Variants in CTNNA3 observed in about 807,000 individuals in gnomAD.
CTNNA3 encodes catenin alpha 3, also known as catenin alpha-3.
CTNNA3 carries 76 observed loss-of-function variants against 95.7 expected under a neutral mutation model. That is an observed-to-expected ratio of 0.79 (90% CI 0.66 to 0.96). The LOEUF is 0.96. CTNNA3 is among the 40% of genes least tolerant of loss of function. The pLI, the probability that CTNNA3 is intolerant of heterozygous loss-of-function variation, is 0.00. For synonymous variants in CTNNA3, 431 were observed against 374.4 expected (o/e 1.15, Z -1.74); for missense variants, 1,191 against 1,089.8 (o/e 1.09, Z -1.31).
chr10:66,807,508 G>A (rs1841703474), intron 7 of CTNNA3, among the ~76,000 whole-genome samples: 1 of 152,050 alleles, frequency 6.6e-6, no homozygotes, highest in Non-Finnish European at 1.5e-5. Flanking sequence ...TTCGTTTGTT[G>A]CAAGTAATAA....
rs144575893 is a variant in CTNNA3, at chr10:67,275,735, C to A, written c.580-55865G>T. Among the ~76,000 whole-genome samples the A allele has an allele frequency of 4.7e-3, 716 of 152,252 alleles. 7 individuals carry two copies. The highest frequency in any genetic ancestry group is 0.016 in the African/African-American group (678 of 41,560). Reference sequence around the variant, plus strand: ...AGGCATGTATCACATTATAAACTGTCCTAAGAACTATCTTCTGTAATTCAC... The same window carrying A: ...AGGCATGTATCACATTATAAACTGTACTAAGAACTATCTTCTGTAATTCAC... On this transcript the variant is annotated intron_variant, in intron 5 of 17. Transcript: ENST00000433211.
At chr10:67,641,553 C>T (rs1282129770) in intron 2 of CTNNA3, among the ~76,000 whole-genome samples, 1 of 152,180 alleles carries the variant, frequency 6.6e-6, no homozygotes, top group Non-Finnish European at 1.5e-5. Flanking sequence ...AAGACACATG[C>T]ACACGTATGT....
rs182206461 is a variant in CTNNA3, at chr10:65,969,272, A to G, written c.2266-2526T>C. On this transcript the variant is annotated intron_variant, in intron 16 of 17. Coordinates refer to ENST00000433211, the MANE Select transcript of CTNNA3 (RefSeq NM_013266.4). The stretch of plus-strand genomic sequence containing the variant: ...ATCAATAGTATTATAGGGAAAGAAA[A>G]GAAAAATTATATCTGCACAAATATA... 2.7e-3 allele frequency among the ~76,000 whole-genome samples: 407 copies of G among 152,352 alleles called. 2 individuals carry two copies. The highest frequency in any genetic ancestry group is 9.4e-3 in the African/African-American group (393 of 41,590).
At chr10:66,324,241 A>T (rs1289193549) in intron 12 of CTNNA3, among the ~76,000 whole-genome samples, 1 of 151,990 alleles carries the variant, frequency 6.6e-6, no homozygotes, top group Non-Finnish European at 1.5e-5. Flanking sequence ...AATTGTTTGA[A>T]CCCAGGAGGC....
chr10:66,445,251 T>C (rs2093410448), intron 11 of CTNNA3, among the ~76,000 whole-genome samples: 1 of 151,842 alleles, frequency 6.6e-6, no homozygotes. Flanking sequence ...CTGTCAACAT[T>C]AGACAGATTA....
rs187763809 is a variant in CTNNA3, at chr10:66,176,060, A to G, written c.1885-72811T>C. On this transcript the variant is annotated intron_variant, in intron 13 of 17. Coordinates refer to ENST00000433211, the MANE Select transcript of CTNNA3 (RefSeq NM_013266.4). ...TATTTTCTGTATTTCAGGAAACGTA[A>G]TTGGTGATAATCATTATAATTGTAA... Among the ~76,000 whole-genome samples the G allele has an allele frequency of 2.4e-3, 362 of 152,248 alleles. 2 individuals are homozygous for G. Among genetic ancestry groups the G allele is most frequent in the Admixed American group, 8.8e-3 (134 of 15,284 alleles).
At chr10:66,768,039 T>C (rs1401249898) in intron 8 of CTNNA3, among the ~76,000 whole-genome samples, 1 of 152,160 alleles carries the variant, frequency 6.6e-6, no homozygotes, top group Non-Finnish European at 1.5e-5. Context: ...TTGCTGTCTA[T>C]AGGAAGTACA....
chr10:67,226,719 T>A (rs923478379), intron 5 of CTNNA3, among the ~76,000 whole-genome samples: 3 of 152,164 alleles, frequency 2.0e-5, no homozygotes, highest in Middle Eastern at 3.2e-3. Context: ...CAACTGCTAA[T>A]AAGAAGCTCT....
At chr10:66,664,583 T>C (rs577243541) in intron 9 of CTNNA3, among the ~76,000 whole-genome samples, 31 of 152,130 alleles carry the variant, frequency 2.0e-4, no homozygotes, top group South Asian at 4.1e-4. Context: ...TTTGGTGCCA[T>C]GACTACGACA....
chr10:66,526,778 G>T (rs985639798), intron 10 of CTNNA3, among the ~76,000 whole-genome samples: 1 of 151,946 alleles, frequency 6.6e-6, no homozygotes, highest in Non-Finnish European at 1.5e-5. Context: ...CAAGTATTTT[G>T]CCCATTTTTA....
intron 17 of CTNNA3, among the ~76,000 whole-genome samples, chr10:65,956,683 TGTG>T (rs1390190873): frequency 1.3e-5 from 2 of 152,236 alleles, no homozygotes; most frequent in Non-Finnish European, 2.9e-5. Flanking sequence ...TCAGTATCCA[TGTG>T]GTTGAGTGGT....
intron 7 of CTNNA3, among the ~76,000 whole-genome samples, chr10:67,124,134 T>C (rs536615090): frequency 6.6e-6 from 1 of 152,248 alleles, no homozygotes; most frequent in Admixed American, 6.5e-5. Flanking sequence ...TAGAAAATCA[T>C]TGCTCCAAAA....
At chr10:67,744,590 T>A (rs1841363549) in intron 1 of CTNNA3, among the ~76,000 whole-genome samples, 1 of 151,106 alleles carries the variant, frequency 6.6e-6, no homozygotes, top group African/African-American at 2.4e-5. Context: ...GACATAGGCA[T>A]GGGCAAGGAC....
chr10:67,320,578 T>G (rs1281340102), intron 5 of CTNNA3, among the ~76,000 whole-genome samples: 15 of 152,198 alleles, frequency 9.9e-5, no homozygotes, highest in Non-Finnish European at 2.2e-4. Context: ...CTAAATTTCA[T>G]GCTGGGTACT....
At chr10:66,026,607 T>C (rs1467507629) in intron 15 of CTNNA3, among the ~76,000 whole-genome samples, 1 of 152,156 alleles carries the variant, frequency 6.6e-6, no homozygotes, top group Non-Finnish European at 1.5e-5. Context: ...ATAAGTATTA[T>C]GCATTTTCCT....
chr10:66,154,719 C>CATATATATATATATATATACATATAT (rs2084391705), intron 13 of CTNNA3, among the ~76,000 whole-genome samples: 1 of 74,812 alleles, frequency 1.3e-5, no homozygotes, highest in Non-Finnish European at 2.4e-5. Flanking sequence ...TGAAAAAGTT[C>CATATATATATATATATATACATATAT]ATATATATAT....
chr10:66,787,670 C>T (rs965525904), intron 7 of CTNNA3, among the ~76,000 whole-genome samples: 1 of 152,146 alleles, frequency 6.6e-6, no homozygotes, highest in Non-Finnish European at 1.5e-5. Flanking sequence ...AACTAACGCA[C>T]AGAAGTCGGT....
chr10:66,737,410 C>G (rs1454293120), intron 9 of CTNNA3, among the ~76,000 whole-genome samples: 1 of 152,060 alleles, frequency 6.6e-6, no homozygotes, highest in Non-Finnish European at 1.5e-5. Context: ...ATTTAATTCT[C>G]TAGTTCTTAG....
chr10:67,226,389 G>T (rs1049145623), intron 5 of CTNNA3, among the ~76,000 whole-genome samples: 3 of 152,154 alleles, frequency 2.0e-5, no homozygotes, highest in Admixed American at 6.5e-5. Flanking sequence ...GGAAAATTCA[G>T]CCTGAACAGA....
Sources: allele counts gnomAD v4.1 joint callset (sites outside exome capture counted in the v4.1 genomes callset), GRCh38; gene constraint gnomAD v4.1.1; transcripts MANE v1.5; gene names NCBI Gene and HGNC (gene_info 2026-07-23, HGNC 2026-07-21).